GRM5: variants seen among roughly 807,000 people sequenced by gnomAD.
GRM5 encodes metabotropic glutamate receptor 5.
GRM5 carries 19 observed loss-of-function variants against 83.1 expected under a neutral mutation model. The ratio of observed to expected loss-of-function variants is 0.23; its 90% CI spans 0.16 to 0.34. The LOEUF (loss-of-function observed/expected upper bound fraction) is 0.34. Ranked by LOEUF, GRM5 falls within the 10% of genes least tolerant of loss-of-function variation. GRM5 has a pLI of 1.00. For missense variants in GRM5, 1,160 were observed against 1,588.3 expected, an observed-to-expected ratio of 0.73 and a Z score of 4.58; for synonymous variants, 675 against 633.6, an observed-to-expected ratio of 1.07 and a Z score of -0.98.
At chr11:88,876,687 C>G (rs1327637380) in intron 2 of GRM5, among the ~76,000 whole-genome samples, 1 of 152,038 alleles carries the variant, frequency 6.6e-6, no homozygotes, top group Non-Finnish European at 1.5e-5. Flanking sequence ...ATTGGCCTAA[C>G]TTCAATATTG....
intron 2 of GRM5, among the ~76,000 whole-genome samples, chr11:88,850,883 G>A (rs1944378567): frequency 6.6e-6 from 1 of 151,688 alleles, no homozygotes; most frequent in Non-Finnish European, 1.5e-5. Context: ...AATGAAAAGG[G>A]GATTAATATT....
At chr11:88,919,468 C>T (rs1484663863) in intron 2 of GRM5, among the ~76,000 whole-genome samples, 3 of 150,984 alleles carry the variant, frequency 2.0e-5, no homozygotes, top group Admixed American at 6.6e-5. Context: ...TTCACCATCC[C>T]ACTTGCAGGA....
In GRM5 at chr11:88,509,064, G is replaced by C; in HGVS notation, c.3167C>G (p.Ser1056Cys). The change falls in exon 10 of 10, where the codon TCC (serine) becomes TGC (cysteine). Residue 1056 changes from serine to cysteine, a missense_variant. By Grantham distance (112) the Ser-to-Cys change is moderately radical (BLOSUM62 -1). Transcript: ENST00000305447. The part of the protein sequence containing the change: ...PVARSSSSQG[S>C]LMEQISSVVT... ...CACACTGCTGATCTGCTCCATGAGGGAGCCCTGCGAGGAGCTGCTGCGCGC... is the reference window on the plus strand; with the variant it reads ...CACACTGCTGATCTGCTCCATGAGGCAGCCCTGCGAGGAGCTGCTGCGCGC... 6.4e-7 allele frequency: 1 copy of C among 1,554,310 alleles called. No homozygotes were observed.
intron 2 of GRM5, among the ~76,000 whole-genome samples, chr11:88,897,544 G>A (rs990738275): frequency 7.2e-5 from 11 of 151,764 alleles, no homozygotes; most frequent in South Asian, 2.1e-4. Context: ...GATGGTAGTC[G>A]TTCTCTGCAG....
intron 3 of GRM5, among the ~76,000 whole-genome samples, chr11:88,692,474 C>T (rs1486115515): frequency 6.6e-6 from 1 of 152,190 alleles, no homozygotes; most frequent in East Asian, 1.9e-4. Flanking sequence ...TTCCAACCCC[C>T]CCACAGGCCC....
intron 2 of GRM5, among the ~76,000 whole-genome samples, chr11:88,975,463 C>A (rs1448452288): frequency 6.6e-6 from 1 of 152,130 alleles, no homozygotes; most frequent in African/African-American, 2.4e-5. Context: ...TGAAAGGATG[C>A]CAGGGAGTTT....
intron 1 of GRM5, among the ~76,000 whole-genome samples, chr11:89,065,343 C>G (rs141491941): frequency 2.0e-3 from 299 of 151,430 alleles, no homozygotes; most frequent in African/African-American, 6.4e-3. Context: ...GACAGACACA[C>G]AGAGAGAGAG....
At chr11:88,925,409 C>T (rs1208675393) in intron 2 of GRM5, among the ~76,000 whole-genome samples, 1 of 152,060 alleles carries the variant, frequency 6.6e-6, no homozygotes, top group African/African-American at 2.4e-5. Flanking sequence ...CTATGCTTGG[C>T]CCCATTAGCA....
At chr11:88,772,072 T>G (rs186181926) in intron 3 of GRM5, among the ~76,000 whole-genome samples, 29 of 152,302 alleles carry the variant, frequency 1.9e-4, no homozygotes, top group African/African-American at 6.7e-4. Flanking sequence ...TGTGTGGATA[T>G]TCCACTGTTT....
chr11:88,782,617 C>T (rs1942995261), intron 3 of GRM5, among the ~76,000 whole-genome samples: 1 of 152,068 alleles, frequency 6.6e-6, no homozygotes, highest in Non-Finnish European at 1.5e-5. Flanking sequence ...ACTTCCATAT[C>T]ACCTTATATA....
chr11:88,951,719 C>A (rs1360686098), intron 2 of GRM5, among the ~76,000 whole-genome samples: 1 of 152,162 alleles, frequency 6.6e-6, no homozygotes, highest in African/African-American at 2.4e-5. Context: ...GTCTATAGTG[C>A]AAGGATGTTG....
intron 5 of GRM5, among the ~76,000 whole-genome samples, chr11:88,598,606 C>A (rs1023144529): frequency 6.6e-6 from 1 of 152,086 alleles, no homozygotes; most frequent in Non-Finnish European, 1.5e-5. Context: ...TCACAATTAT[C>A]CTTTGGCCTC....
chr11:88,848,445 T>G (rs559947245), intron 3 of GRM5, among the ~76,000 whole-genome samples: 3 of 152,176 alleles, frequency 2.0e-5, no homozygotes, highest in African/African-American at 7.2e-5. Context: ...AGGAAGTACA[T>G]TTCCCTTAAT....
chr11:89,008,680 G>T (rs1216669035), intron 2 of GRM5, among the ~76,000 whole-genome samples: 2 of 152,058 alleles, frequency 1.3e-5, no homozygotes, highest in African/African-American at 2.4e-5. Context: ...ACTTATGTGG[G>T]AGAAAATAGT....
chr11:88,653,406 G>A lies in GRM5; in HGVS notation c.912-3C>T, dbSNP rs1591414302. The A allele has an allele frequency of 1.9e-6, 3 of 1,600,330 alleles. No homozygotes were observed. Among genetic ancestry groups the A allele is most frequent in the South Asian group, 2.2e-5 (2 of 90,768 alleles). On this transcript the variant is annotated splice_region_variant and splice_polypyrimidine_tract_variant and intron_variant, in intron 3 of 9. Coordinates refer to ENST00000305447, the MANE Select transcript of GRM5 (RefSeq NM_001143831.3). ...CATACCTGTCAGCCCAGCCATCACT[G>A]TGGGGAAATAAAAAAACCCTCAGCT...
chr11:88,994,468 T>C lies in GRM5; in HGVS notation c.661+52744A>G, dbSNP rs536870777. Reference sequence around the variant, plus strand: ...GATTATATATATATATATATATATATATATATATATATATATATTACAATT... The same window carrying C: ...GATTATATATATATATATATATATACATATATATATATATATATTACAATT... On this transcript the variant is annotated intron_variant, in intron 2 of 9. Coordinates refer to ENST00000305447, the MANE Select transcript of GRM5 (RefSeq NM_001143831.3). Among the ~76,000 whole-genome samples the C allele has an allele frequency of 5.3e-3, 568 of 107,232 alleles. 4 individuals are homozygous for C. Among genetic ancestry groups the C allele is most frequent in the African/African-American group, 0.022 (541 of 24,226 alleles). The allele number at this position is 107,232 out of a possible 152,430, so 70.3% of individuals were successfully genotyped here. A position where few individuals can be genotyped will look rare whatever the true frequency, so the allele number is the denominator to read the frequency against.
At chr11:89,051,625 G>T (rs1277514512) in intron 1 of GRM5, among the ~76,000 whole-genome samples, 6 of 152,120 alleles carry the variant, frequency 3.9e-5, no homozygotes, top group South Asian at 2.1e-4. Context: ...CAGGAGAATC[G>T]CTTGAACCTG....
chr11:88,959,007 G>A (rs1270598062), intron 2 of GRM5, among the ~76,000 whole-genome samples: 3 of 152,086 alleles, frequency 2.0e-5, no homozygotes, highest in Non-Finnish European at 4.4e-5. Flanking sequence ...TTAAAATGCT[G>A]TGATACCATG....
At chr11:88,935,781 G>T (rs1202398791) in intron 2 of GRM5, among the ~76,000 whole-genome samples, 2 of 151,872 alleles carry the variant, frequency 1.3e-5, no homozygotes, top group African/African-American at 4.8e-5. Context: ...ATTTTAGGTT[G>T]TTCATATATT....
Sources: gnomAD v4.1 joint callset for allele counts (sites outside exome capture counted in the v4.1 genomes callset) on GRCh38, gnomAD v4.1.1 for gene constraint, MANE v1.5 for transcripts, NCBI Gene and HGNC (gene_info 2026-07-23, HGNC 2026-07-21) for gene names.